Variants in GLYATL3 observed in about 807,000 individuals in gnomAD.
GLYATL3 encodes the protein glycine N-acyltransferase-like protein 3.
GLYATL3 carries 31 observed loss-of-function variants against 28.5 expected under a neutral mutation model. That is an observed-to-expected ratio of 1.09 (90% confidence interval 0.82 to 1.47). The LOEUF (loss-of-function observed/expected upper bound fraction) is 1.47, where lower values mean the gene tolerates loss of function less well. GLYATL3 is among the 40% of genes most tolerant of loss of function. The pLI is 0.00. For missense variants in GLYATL3, 369 were observed against 351.5 expected (o/e 1.05, Z -0.40); for synonymous variants, 141 against 140.2 (o/e 1.01, Z -0.04).
rs754870427 is a variant in GLYATL3, at chr6:49,507,802, G to C, written c.-28-4161G>C. On this transcript the variant is annotated intron_variant, in intron 1 of 5. Coordinates refer to ENST00000371197, the MANE Select transcript of GLYATL3 (RefSeq NM_001010904.2). ...AGATAGTGAAAGCTGAGTCCAGGGG[G>C]GTCACCACCTTCTGGTCCTGCAGTG... Among the ~76,000 whole-genome samples the C allele has an allele frequency of 1.0e-3, 156 of 152,060 alleles. 1 individual carries two copies. Among genetic ancestry groups the C allele is most frequent in the Non-Finnish European group, 2.0e-3 (136 of 68,010 alleles).
rs186838302 is a variant in GLYATL3, at chr6:49,517,514, G to A, written c.271G>A (p.Glu91Lys). 8 of 1,550,978 alleles carry A rather than the reference G, an allele frequency of 5.2e-6. No homozygotes were observed. The highest frequency in any genetic ancestry group is 7.0e-6 in the Non-Finnish European group (8 of 1,146,480). The stretch of plus-strand genomic sequence containing the variant: ...CAGGGCTTATCGACAGCTATTGGAA[G>A]AATGTGATGTTTTTAACTGGGACCA... ...DVRAYRQLLE[E>K]CDVFNWDQVF... Residue 91 changes from glutamate to lysine, a missense_variant, in exon 4 of 6, where the codon GAA becomes AAA. Coordinates refer to ENST00000371197, the MANE Select transcript of GLYATL3 (RefSeq NM_001010904.2).
intron 4 of GLYATL3, among the ~76,000 whole-genome samples, chr6:49,518,274 T>C (rs765037192): frequency 4.6e-5 from 7 of 152,162 alleles, no homozygotes; most frequent in African/African-American, 1.4e-4. Flanking sequence ...TTATATGAGC[T>C]GTGAGGAGAT....
At position 49,499,952 on chromosome 6, in the gene GLYATL3, G is replaced by C; in HGVS notation, c.-119G>C. 1 of 151,730 alleles carries C rather than the reference G, an allele frequency of 6.6e-6. No homozygotes were observed. Among genetic ancestry groups the C allele is most frequent in the East Asian group, 1.9e-4 (1 of 5,178 alleles). 9.4% of individuals were successfully genotyped at this position (151,730 alleles called of 1,614,324 possible). A position where few individuals can be genotyped will look rare whatever the true frequency, so the allele number is the denominator to read the frequency against. The stretch of plus-strand genomic sequence containing the variant: ...CCACTAAGGGCTAATTAGAGAGGTA[G>C]CCTTGAAGAATAAACTTACCATTTA... On this transcript the variant is annotated 5_prime_UTR_variant, in exon 1 of 6. Transcript: ENST00000371197.
chr6:49,524,473 G>T lies in GLYATL3; in HGVS notation c.441-2015G>T, dbSNP rs1476839735. On this transcript the variant is annotated intron_variant, in intron 5 of 5. Transcript: ENST00000371197. ...ATTCTGAGGCACTGTCAGCCTCATAGGCTTTCAACTAAGTAATCCATTTCA... is the reference window on the plus strand; with the variant it reads ...ATTCTGAGGCACTGTCAGCCTCATATGCTTTCAACTAAGTAATCCATTTCA... Among the ~76,000 whole-genome samples the T allele has an allele frequency of 2.0e-5, 3 of 152,246 alleles. No individual in the cohort carries two copies. The East Asian group carries it at 5.8e-4, about 29-fold the overall frequency.
chr6:49,514,533 G>A (rs533427905), intron 2 of GLYATL3, among the ~76,000 whole-genome samples: 2 of 152,106 alleles, frequency 1.3e-5, no homozygotes, highest in Non-Finnish European at 2.9e-5. Context: ...ATCTTTCTTA[G>A]TAGATAAAAA....
chr6:49,521,723 AG>A lies in GLYATL3; in HGVS notation c.394del (p.Ala132LeufsTer23), dbSNP rs768267009. The A allele has an allele frequency of 5.8e-6, 9 of 1,551,448 alleles. No individual in the cohort carries two copies. In the South Asian group the frequency reaches 1.1e-4, roughly 18 times the overall value. ...TTGAATATAAAGCTAACTTCCTTCA[AG>A]GCTGTTCATTTTTCTCCTGTTTCAT... ...KQLNIKLTSF[K>X]AVHFSPVSSL... On this transcript the variant is annotated frameshift_variant, in exon 5 of 6. Coordinates refer to ENST00000371197, the MANE Select transcript of GLYATL3 (RefSeq NM_001010904.2). LOFTEE classifies it high-confidence loss of function.
rs1769236308 is a variant in GLYATL3, at chr6:49,517,449, A to G, written c.206A>G (p.Asp69Gly). Residue 69 changes from aspartate (D) to glycine (G), a missense_variant, in exon 4 of 6, where the codon GAT becomes GGT. Coordinates refer to ENST00000371197, the MANE Select transcript of GLYATL3 (RefSeq NM_001010904.2). ...TCCTAGGCTGAGACAGATAACCTTG[A>G]TCATTATACTAATGCCTATGCTGTG... ...RQREAETDNL[D>G]HYTNAYAVFY... 6.5e-7 allele frequency: 1 copy of G among 1,544,472 alleles called. No individual in the cohort carries two copies. Among genetic ancestry groups the G allele is most frequent in the African/African-American group, 1.4e-5 (1 of 72,756 alleles).
At position 49,526,642 on chromosome 6, in the gene GLYATL3, A is replaced by C; in HGVS notation, c.595A>C (p.Asn199His). Residue 199 changes from asparagine to histidine, a missense_variant, in exon 6 of 6, where the codon AAC becomes CAC. Coordinates refer to ENST00000371197, the MANE Select transcript of GLYATL3 (RefSeq NM_001010904.2). Reference sequence around the variant, plus strand: ...TGTGTGTGTCCGGGATGAGAAGGGAAACCCGGTCTCCTGGTCCATCACAGA... The same window carrying C: ...TGTGTGTGTCCGGGATGAGAAGGGACACCCGGTCTCCTGGTCCATCACAGA... ...PSVCVRDEKG[N>H]PVSWSITDQF... 3 of 1,551,868 alleles carry C rather than the reference A, an allele frequency of 1.9e-6. No homozygotes were observed. The highest frequency in any genetic ancestry group is 2.6e-6 in the Non-Finnish European group (3 of 1,147,016).
intron 1 of GLYATL3, among the ~76,000 whole-genome samples, chr6:49,508,986 T>C (rs1769066970): frequency 7.6e-6 from 1 of 131,062 alleles, no homozygotes; most frequent in Non-Finnish European, 1.7e-5. Flanking sequence ...AAAATAATAA[T>C]AATAATAAAT....
intron 5 of GLYATL3, 61 bp from the exon 6 acceptor site, chr6:49,526,427 G>C: frequency 7.2e-7 from 1 of 1,380,476 alleles, no homozygotes; most frequent in East Asian, 2.5e-5. Flanking sequence ...AAAAAAATGT[G>C]TAGTTATGTA....
At chr6:49,510,693 G>GAA (rs1769106517) in intron 1 of GLYATL3, among the ~76,000 whole-genome samples, 2 of 152,096 alleles carry the variant, frequency 1.3e-5, no homozygotes, top group Non-Finnish European at 2.9e-5. Context: ...TTGCCATCCT[G>GAA]AAGTCTGGAA....
chr6:49,526,622 G>A lies in GLYATL3; in HGVS notation c.575G>A (p.Cys192Tyr), dbSNP rs1470600948. The part of the protein sequence containing the change: ...ANLISCFPSV[C>Y]VRDEKGNPVS... ...CTCATCTCCTGCTTCCCTAGTGTGT[G>A]TGTCCGGGATGAGAAGGGAAACCCG... Residue 192 changes from cysteine (C) to tyrosine (Y), a missense_variant, in exon 6 of 6, where the codon TGT becomes TAT. Transcript: ENST00000371197. The A allele has an allele frequency of 6.4e-7, 1 of 1,552,000 alleles. No homozygotes were observed. The highest frequency in any genetic ancestry group is 1.7e-4 in the Middle Eastern group (1 of 5,996).
chr6:49,517,281 C>T, intron 3 of GLYATL3, 149 bp from the exon 4 acceptor site: 1 of 482,700 alleles, frequency 2.1e-6, no homozygotes, highest in South Asian at 5.1e-5. Flanking sequence ...GCCCCATTCC[C>T]ATTTAGCCAT....
chr6:49,501,010 T>G (rs1403627668), intron 1 of GLYATL3, among the ~76,000 whole-genome samples: 1 of 152,218 alleles, frequency 6.6e-6, no homozygotes, highest in Admixed American at 6.5e-5. Flanking sequence ...TGGGGGAATG[T>G]CTCTGATTTT....
chr6:49,526,344 C>T lies in GLYATL3; in HGVS notation c.441-144C>T. 4 of 641,014 alleles carry T rather than the reference C, an allele frequency of 6.2e-6. No homozygotes were observed. The South Asian group carries it at 8.4e-5, about 13-fold the overall frequency. 39.7% of individuals were successfully genotyped at this position (641,014 alleles called of 1,614,324 possible). On this transcript the variant is annotated intron_variant, in intron 5 of 5. Transcript: ENST00000371197. ...AGGAGAATTGCTTGAACCCGGGAGG[C>T]AGAGGTTGCAGTGAGCAGAGATCAC...
At chr6:49,520,243 G>A (rs1769290939) in intron 4 of GLYATL3, among the ~76,000 whole-genome samples, 1 of 152,028 alleles carries the variant, frequency 6.6e-6, no homozygotes, top group African/African-American at 2.4e-5. Context: ...AAGAGTGGGG[G>A]TAGGGATTGA....
In GLYATL3 at chr6:49,517,436, A is replaced by T. The variant is rs918425862; in HGVS notation, c.193A>T (p.Thr65Ser). 2.6e-6 allele frequency: 4 copies of T among 1,540,860 alleles called. No individual in the cohort carries two copies. In the African/African-American group the frequency reaches 5.5e-5, roughly 21 times the overall value. ...VITRRQREAE[T>S]DNLDHYTNAY... ...ATTATGTCTTCTGTCCTAGGCTGAG[A>T]CAGATAACCTTGATCATTATACTAA... Residue 65 changes from threonine to serine, a missense_variant, in exon 4 of 6, where the codon ACA becomes TCA. By Grantham distance (58) the Thr-to-Ser change is moderately conservative (BLOSUM62 1). Coordinates refer to ENST00000371197, the MANE Select transcript of GLYATL3 (RefSeq NM_001010904.2).
chr6:49,506,848 G>A (rs1769019630), intron 1 of GLYATL3, among the ~76,000 whole-genome samples: 2 of 152,108 alleles, frequency 1.3e-5, no homozygotes, highest in South Asian at 4.2e-4. Flanking sequence ...AAAAGAAGGA[G>A]AGTGAGGGCA....
chr6:49,514,464 C>T (rs1305815441), intron 2 of GLYATL3, among the ~76,000 whole-genome samples: 1 of 152,212 alleles, frequency 6.6e-6, no homozygotes, highest in Non-Finnish European at 1.5e-5. Flanking sequence ...TTACCACCAA[C>T]TTTGTCCAGC....
Sources: allele counts gnomAD v4.1 joint callset (sites outside exome capture counted in the v4.1 genomes callset), GRCh38; gene constraint gnomAD v4.1.1; transcripts MANE v1.5; gene names NCBI Gene and HGNC (gene_info 2026-07-23, HGNC 2026-07-21).